Variants in CTNNA3 observed in about 807,000 individuals in gnomAD.
The protein encoded by CTNNA3 is catenin alpha-3.
Under a neutral mutation model 95.7 loss-of-function variants are expected in CTNNA3, and 76 were observed. The ratio of observed to expected loss-of-function variants is 0.79; its 90% CI spans 0.66 to 0.96. The LOEUF (loss-of-function observed/expected upper bound fraction) is 0.96, where lower values mean the gene tolerates loss of function less well. CTNNA3 is among the 40% of genes least tolerant of loss of function. The pLI, the probability that CTNNA3 is intolerant of heterozygous loss-of-function variation, is 0.00. For missense variants in CTNNA3, 1,191 were observed against 1,089.8 expected (o/e 1.09, Z -1.31); for synonymous variants, 431 against 374.4 (o/e 1.15, Z -1.74).
intron 9 of CTNNA3, among the ~76,000 whole-genome samples, chr10:66,705,399 A>T (rs766039768): frequency 6.6e-6 from 1 of 152,024 alleles, no homozygotes; most frequent in Admixed American, 6.6e-5. Context: ...TTCTCTGCTC[A>T]ATTTTTTGAA....
At chr10:66,414,877 C>CAGCAAACTGCACACTACCTGA (rs1456998962) in intron 11 of CTNNA3, among the ~76,000 whole-genome samples, 1 of 152,060 alleles carries the variant, frequency 6.6e-6, no homozygotes, top group African/African-American at 2.4e-5. Context: ...ACCTGAAGCC[C>CAGCAAACTGCACACTACCTGA]AGTGGTGCTG....
At chr10:66,415,523 C>T (rs1234748142) in intron 11 of CTNNA3, among the ~76,000 whole-genome samples, 1 of 152,144 alleles carries the variant, frequency 6.6e-6, no homozygotes, top group Non-Finnish European at 1.5e-5. Flanking sequence ...ACAGCTGCCA[C>T]TACTGGGCTT....
intron 13 of CTNNA3, among the ~76,000 whole-genome samples, chr10:66,218,038 T>C (rs2088667369): frequency 6.6e-6 from 1 of 152,190 alleles, no homozygotes; most frequent in Non-Finnish European, 1.5e-5. Context: ...TCCTGTGTGG[T>C]GGCCTGGGAT....
chr10:67,242,213 T>C (rs1198504207), intron 5 of CTNNA3, among the ~76,000 whole-genome samples: 1 of 152,120 alleles, frequency 6.6e-6, no homozygotes, highest in Non-Finnish European at 1.5e-5. Context: ...AACTACAAGA[T>C]TAAAAATTAA....
chr10:66,573,223 T>C (rs993317037), intron 10 of CTNNA3, among the ~76,000 whole-genome samples: 10 of 152,216 alleles, frequency 6.6e-5, no homozygotes, highest in Non-Finnish European at 1.3e-4. Context: ...TCTGGACAAC[T>C]GTATTTCAGT....
At chr10:67,008,579 T>C (rs1459641621) in intron 7 of CTNNA3, among the ~76,000 whole-genome samples, 1 of 152,182 alleles carries the variant, frequency 6.6e-6, no homozygotes, top group South Asian at 2.1e-4. Context: ...GGGGCTGGCC[T>C]GGCTCATCTC....
chr10:67,581,732 T>A (rs1842407786), intron 3 of CTNNA3, among the ~76,000 whole-genome samples: 1 of 152,244 alleles, frequency 6.6e-6, no homozygotes, highest in South Asian at 2.1e-4. Context: ...TGCCTCAATT[T>A]CAGAGCCTGT....
intron 13 of CTNNA3, among the ~76,000 whole-genome samples, chr10:66,209,313 G>C (rs1322306935): frequency 6.6e-6 from 1 of 152,098 alleles, no homozygotes; most frequent in East Asian, 1.9e-4. Flanking sequence ...ACTCTAGTGA[G>C]GACAAAGACA....
intron 1 of CTNNA3, among the ~76,000 whole-genome samples, chr10:67,668,248 ACT>A (rs1385335617): frequency 3.0e-5 from 3 of 100,092 alleles, no homozygotes; most frequent in Admixed American, 1.8e-4. Context: ...AATAGATACT[ACT>A]TACTTAAAAT....
At chr10:66,279,467 G>T (rs374322281) in intron 13 of CTNNA3, among the ~76,000 whole-genome samples, 1 of 152,076 alleles carries the variant, frequency 6.6e-6, no homozygotes, top group African/African-American at 2.4e-5. Flanking sequence ...ACAAAAGCTT[G>T]ATTGGCCCTG....
At chr10:66,471,406 T>G (rs985994282) in intron 11 of CTNNA3, among the ~76,000 whole-genome samples, 6 of 151,896 alleles carry the variant, frequency 4.0e-5, no homozygotes, top group African/African-American at 1.4e-4. Context: ...AATTTAAGTT[T>G]TCAAAAGTTC....
chr10:66,390,328 A>G (rs138820684), intron 11 of CTNNA3, among the ~76,000 whole-genome samples: 1 of 152,260 alleles, frequency 6.6e-6, no homozygotes, highest in East Asian at 1.9e-4. Flanking sequence ...ATAATCCATC[A>G]AGCAAGAAAT....
chr10:67,081,016 A>C (rs1358728760), intron 7 of CTNNA3, among the ~76,000 whole-genome samples: 1 of 152,078 alleles, frequency 6.6e-6, no homozygotes, highest in Non-Finnish European at 1.5e-5. Flanking sequence ...TAGAATCCTC[A>C]GTCCCTTATA....
At chr10:67,220,284 ATTGAG>A (rs1864592495) in intron 5 of CTNNA3, among the ~76,000 whole-genome samples, 2 of 152,244 alleles carry the variant, frequency 1.3e-5, no homozygotes, top group South Asian at 4.1e-4. Flanking sequence ...AATTAGACCA[ATTGAG>A]TTAAGAACAC....
intron 11 of CTNNA3, among the ~76,000 whole-genome samples, chr10:66,394,550 TAAAAAAAAAAAA>T (rs71035137): frequency 7.8e-6 from 1 of 128,162 alleles, no homozygotes; most frequent in Non-Finnish European, 1.6e-5. Context: ...AGCACTGGGT[TAAAAAAAAAAAA>T]AAAAAAAAAG....
At chr10:67,082,038 C>T (rs150877910) in intron 7 of CTNNA3, among the ~76,000 whole-genome samples, 343 of 152,228 alleles carry the variant, frequency 2.3e-3, no homozygotes, top group South Asian at 3.9e-3. Context: ...ACCTAGGCTA[C>T]CTTTGTTAGA....
At chr10:66,448,836 A>C (rs1469453417) in intron 11 of CTNNA3, among the ~76,000 whole-genome samples, 8 of 152,094 alleles carry the variant, frequency 5.3e-5, no homozygotes, top group African/African-American at 1.9e-4. Context: ...ATAATAATAA[A>C]ATTAAAAAAT....
intron 11 of CTNNA3, among the ~76,000 whole-genome samples, chr10:66,399,522 G>A (rs891989682): frequency 5.3e-5 from 8 of 151,920 alleles, no homozygotes; most frequent in African/African-American, 1.9e-4. Flanking sequence ...TGCGTGTGAA[G>A]TGAAGATGCT....
At chr10:67,453,479 T>C (rs1459683817) in intron 5 of CTNNA3, among the ~76,000 whole-genome samples, 3 of 152,234 alleles carry the variant, frequency 2.0e-5, no homozygotes, top group Non-Finnish European at 4.4e-5. Flanking sequence ...TTGTCCTTGC[T>C]ACAATTGTTG....
Sources: allele counts gnomAD v4.1 joint callset (sites outside exome capture counted in the v4.1 genomes callset), GRCh38; gene constraint gnomAD v4.1.1; transcripts MANE v1.5; gene names NCBI Gene and HGNC (gene_info 2026-07-23, HGNC 2026-07-21).